The following FGD4 variants were observed in gnomAD, a reference collection of about 807,000 sequenced individuals.
FGD4 encodes FYVE, RhoGEF and PH domain-containing protein 4.
A neutral mutation model predicts 102.0 loss-of-function variants in FGD4; 42 were observed. That is an observed-to-expected ratio of 0.41 (90% confidence interval 0.32 to 0.53). The LOEUF (loss-of-function observed/expected upper bound fraction) is 0.53. Among genes scored for constraint, FGD4 ranks in the 20% least tolerant of loss-of-function variants. The pLI is 0.21. For synonymous variants in FGD4, 380 were observed against 375.7 expected (o/e 1.01, Z -0.13); for missense variants, 902 against 1,078.2 (o/e 0.84, Z 2.29).
intron 1 of FGD4, among the ~76,000 whole-genome samples, chr12:32,518,701 T>G (rs1940163135): frequency 6.6e-6 from 1 of 152,044 alleles, no homozygotes; most frequent in African/African-American, 2.4e-5. Flanking sequence ...TTATTTTAGA[T>G]AGTGGAATTC....
chr12:32,423,531 G>T (rs1941724379), intron 1 of FGD4, among the ~76,000 whole-genome samples: 1 of 149,116 alleles, frequency 6.7e-6, no homozygotes, highest in Non-Finnish European at 1.5e-5. Context: ...GGCGAAGCTT[G>T]CAGTGAGCCG....
Position 32,595,029 on chromosome 12 carries a change from T to TAA in FGD4, c.1012-3452_1012-3451dup, listed in dbSNP as rs58538152. On this transcript the variant is annotated intron_variant, in intron 4 of 16. Transcript: ENST00000534526. Reference sequence around the variant, plus strand: ...CTGGGTGACAGAGCGAGACTCCGTCTAAAAAAAAAAAAAAAAACAACACAG... The same window carrying TAA: ...CTGGGTGACAGAGCGAGACTCCGTCTAAAAAAAAAAAAAAAAAAACAACACAG... 5.2e-5 allele frequency among the ~76,000 whole-genome samples: 7 copies of TAA among 133,444 alleles called. No homozygotes were observed. The East Asian group carries it at 1.1e-3, about 22-fold the overall frequency. 87.5% of individuals were successfully genotyped at this position (133,444 alleles called of 152,430 possible).
At chr12:32,436,355 A>G (rs566230687) in intron 1 of FGD4, among the ~76,000 whole-genome samples, 1 of 152,232 alleles carries the variant, frequency 6.6e-6, no homozygotes, top group African/African-American at 2.4e-5. Flanking sequence ...TAAGGATAAA[A>G]AGTGGCACAA....
Position 32,608,019 on chromosome 12 carries a change from T to C in FGD4, c.1467T>C (p.Ile489=). ...QHHMLEPVQR[I]PRYEMLLKDY... ...ACATGCTAGAACCTGTTCAGCGGATTCCCCGGTATGAGATGCTCCTTAAGG... is the reference window on the plus strand; with the variant it reads ...ACATGCTAGAACCTGTTCAGCGGATCCCCCGGTATGAGATGCTCCTTAAGG... The change falls in exon 8 of 17, where the codon ATT becomes ATC. Residue 489 remains isoleucine (I), a synonymous_variant. Coordinates refer to ENST00000534526, the MANE Select transcript of FGD4 (RefSeq NM_001370298.3). The C allele has an allele frequency of 1.2e-6, 2 of 1,614,220 alleles. No homozygotes were observed. Among genetic ancestry groups the C allele is most frequent in the Admixed American group, 3.3e-5 (2 of 60,032 alleles).
intron 1 of FGD4, among the ~76,000 whole-genome samples, chr12:32,410,057 G>A (rs571318681): frequency 1.4e-4 from 21 of 151,508 alleles, no homozygotes; most frequent in South Asian, 2.1e-4. Flanking sequence ...GACCTGGTGC[G>A]GTGGCTCACG....
intron 1 of FGD4, among the ~76,000 whole-genome samples, chr12:32,484,193 A>G (rs1378988569): frequency 6.6e-6 from 1 of 152,122 alleles, no homozygotes; most frequent in African/African-American, 2.4e-5. Context: ...TATCCATGCA[A>G]TGGGAGGATT....
chr12:32,556,540 G>A (rs9795567), intron 1 of FGD4, among the ~76,000 whole-genome samples: 5 of 151,986 alleles, frequency 3.3e-5, no homozygotes, highest in African/African-American at 1.2e-4. Flanking sequence ...ATGTCCTCAA[G>A]ATTCATCCAT....
chr12:32,404,747 T>C (rs1444606375), intron 1 of FGD4, among the ~76,000 whole-genome samples: 1 of 152,128 alleles, frequency 6.6e-6, no homozygotes, highest in Non-Finnish European at 1.5e-5. Context: ...TAAAAGTATC[T>C]TTAGTATTAT....
intron 1 of FGD4, among the ~76,000 whole-genome samples, chr12:32,419,198 C>T (rs1268852471): frequency 1.3e-5 from 2 of 152,154 alleles, no homozygotes; most frequent in Non-Finnish European, 2.9e-5. Flanking sequence ...TGTAGCTGAG[C>T]TAATACCTGA....
chr12:32,446,640 GAAAC>G (rs891368458), intron 1 of FGD4, among the ~76,000 whole-genome samples: 4 of 152,196 alleles, frequency 2.6e-5, no homozygotes, highest in Non-Finnish European at 5.9e-5. Flanking sequence ...ATGGAAACAG[GAAAC>G]AAACTTCCTG....
intron 1 of FGD4, among the ~76,000 whole-genome samples, chr12:32,542,189 A>C (rs1592160287): frequency 6.6e-6 from 1 of 152,202 alleles, no homozygotes; most frequent in East Asian, 1.9e-4. Context: ...TGCAAAACAA[A>C]GTGTTGCAAC....
chr12:32,632,865 G>T (rs1466953075), intron 14 of FGD4, among the ~76,000 whole-genome samples: 1 of 151,702 alleles, frequency 6.6e-6, no homozygotes, highest in Non-Finnish European at 1.5e-5. Flanking sequence ...ACCACACCCA[G>T]TCAGATTAGC....
chr12:32,607,597 C>T (rs1948863279), intron 7 of FGD4, among the ~76,000 whole-genome samples: 1 of 152,220 alleles, frequency 6.6e-6, no homozygotes, highest in South Asian at 2.1e-4. Flanking sequence ...GAAACCTCCG[C>T]CTCCCAGGTT....
intron 2 of FGD4, among the ~76,000 whole-genome samples, chr12:32,569,404 A>G (rs375264028): frequency 6.6e-6 from 1 of 152,118 alleles, no homozygotes; most frequent in African/African-American, 2.4e-5. Flanking sequence ...CTCCCTATGC[A>G]CTACTTTTGT....
intron 1 of FGD4, among the ~76,000 whole-genome samples, chr12:32,454,506 G>A (rs1942898660): frequency 6.6e-6 from 1 of 152,042 alleles, no homozygotes; most frequent in African/African-American, 2.4e-5. Context: ...GTTGTTGTTG[G>A]TCTTAATTTC....
chr12:32,554,853 G>A (rs764717783), intron 1 of FGD4, among the ~76,000 whole-genome samples: 6 of 152,266 alleles, frequency 3.9e-5, no homozygotes, highest in Non-Finnish European at 7.3e-5. Flanking sequence ...TGCCTGGAAT[G>A]GAATGCCCAA....
chr12:32,609,002 C>T (rs908066351), intron 8 of FGD4, among the ~76,000 whole-genome samples: 6 of 152,120 alleles, frequency 3.9e-5, no homozygotes, highest in Admixed American at 2.6e-4. Flanking sequence ...CTGCAACCTC[C>T]ACCTCCCGAG....
intron 4 of FGD4, among the ~76,000 whole-genome samples, chr12:32,585,915 G>T (rs1455639559): frequency 6.6e-6 from 1 of 151,810 alleles, no homozygotes; most frequent in Non-Finnish European, 1.5e-5. Flanking sequence ...TGAGGGCCAG[G>T]CTGCTGAGAA....
chr12:32,480,596 G>A (rs1172963369), intron 1 of FGD4, among the ~76,000 whole-genome samples: 1 of 151,608 alleles, frequency 6.6e-6, no homozygotes, highest in African/African-American at 2.4e-5. Context: ...CACCTCCCAG[G>A]TTGAAGTGAT....
Sources: gnomAD v4.1 joint callset for allele counts (sites outside exome capture counted in the v4.1 genomes callset) on GRCh38, gnomAD v4.1.1 for gene constraint, MANE v1.5 for transcripts, NCBI Gene and HGNC (gene_info 2026-07-23, HGNC 2026-07-21) for gene names.